The following FANCC variants were observed in gnomAD, a reference collection of about 807,000 sequenced individuals.
FANCC encodes the protein FA complementation group C.
Under a neutral mutation model 71.3 loss-of-function variants are expected in FANCC, and 55 were observed. That is an observed-to-expected ratio of 0.77 (90% CI 0.62 to 0.97). The LOEUF is 0.97. FANCC is among the 50% of genes least tolerant of loss of function. The pLI is 0.00. For missense variants in FANCC, 678 were observed against 670.9 expected, an observed-to-expected ratio of 1.01 and a Z score of -0.12; for synonymous variants, 275 against 244.9, an observed-to-expected ratio of 1.12 and a Z score of -1.15.
At chr9:95,184,118 C>G (rs546542787) in intron 4 of FANCC, among the ~76,000 whole-genome samples, 6 of 151,846 alleles carry the variant, frequency 4.0e-5, no homozygotes, top group South Asian at 2.1e-4. Context: ...GCTTCTCCCC[C>G]CCTTTTTTTA....
chr9:95,141,252 C>T (rs1242552129), intron 7 of FANCC, among the ~76,000 whole-genome samples: 1 of 122,096 alleles, frequency 8.2e-6, no homozygotes, highest in East Asian at 2.6e-4. Context: ...GTCGAGGCTA[C>T]AGTGAGACAT....
chr9:95,248,007 A>G (rs1457838380), intron 2 of FANCC, among the ~76,000 whole-genome samples: 1 of 152,206 alleles, frequency 6.6e-6, no homozygotes, highest in Non-Finnish European at 1.5e-5. Context: ...AAAGAAATAA[A>G]AGCAGCCAAA....
intron 10 of FANCC, among the ~76,000 whole-genome samples, chr9:95,122,512 C>T (rs1294833990): frequency 1.3e-5 from 2 of 152,092 alleles, no homozygotes; most frequent in Admixed American, 6.6e-5. Context: ...GAGCTGAAGG[C>T]GAGGGTGGTG....
chr9:95,101,790 T>C lies in FANCC; in HGVS notation c.1594A>G (p.Arg532Gly), dbSNP rs764649916. 6.2e-7 allele frequency: 1 copy of C among 1,614,172 alleles called. No homozygotes were observed. Among genetic ancestry groups the C allele is most frequent in the African/African-American group, 1.3e-5 (1 of 75,056 alleles). Reference protein sequence around the residue: ...IIGFLDQTLYRWNRLGIESPR... With the variant: ...IIGFLDQTLYGWNRLGIESPR... ...CTTTCAATGCCAAGACGATTCCATCTGTACAAGGTCTGGTCAAGAAAGCCA... is the reference window on the plus strand; with the variant it reads ...CTTTCAATGCCAAGACGATTCCATCCGTACAAGGTCTGGTCAAGAAAGCCA... Residue 532 changes from arginine to glycine, a missense_variant, in exon 15 of 15, where the codon AGA becomes GGA. Transcript: ENST00000289081.
chr9:95,292,624 A>G (rs1368102754), intron 1 of FANCC: 2 of 1,426,976 alleles, frequency 1.4e-6, no homozygotes, highest in Non-Finnish European at 2.0e-6. Flanking sequence ...ATCCTGCCCA[A>G]CAGCCCCGCG....
chr9:95,302,874 A>G (rs770514901), intron 1 of FANCC, among the ~76,000 whole-genome samples: 13 of 152,250 alleles, frequency 8.5e-5, no homozygotes, highest in Non-Finnish European at 1.2e-4. Context: ...AGACGCAGTT[A>G]TAGACTCAGT....
chr9:95,118,677 TTG>T (rs1241890238), intron 10 of FANCC, among the ~76,000 whole-genome samples: 1 of 152,260 alleles, frequency 6.6e-6, no homozygotes, highest in East Asian at 1.9e-4. Flanking sequence ...ATGTTTTCTT[TTG>T]TGTCTGGCTT....
intron 6 of FANCC, among the ~76,000 whole-genome samples, chr9:95,154,529 G>T (rs1564702212): frequency 6.6e-6 from 1 of 152,164 alleles, no homozygotes; most frequent in Admixed American, 6.5e-5. Flanking sequence ...TGAATAAACT[G>T]TACCTACATT....
rs141235015 is a variant in FANCC, at chr9:95,263,865, A to G, written c.-78-14496T>C. Among the ~76,000 whole-genome samples, 80 of 152,312 alleles carry G rather than the reference A, an allele frequency of 5.3e-4. 1 individual carries two copies. In the East Asian group the frequency reaches 0.015, roughly 29 times the overall value. On this transcript the variant is annotated intron_variant, in intron 1 of 14. Coordinates refer to ENST00000289081, the MANE Select transcript of FANCC (RefSeq NM_000136.3). ...TTTTGCTCGCCTATCAAACTGTAGG[A>G]ACAGGTATATTATGGAAATATAGGG...
chr9:95,109,104 A>G (rs1588038289), intron 13 of FANCC, among the ~76,000 whole-genome samples: 1 of 151,774 alleles, frequency 6.6e-6, no homozygotes, highest in Non-Finnish European at 1.5e-5. Context: ...TTGTAGAGAC[A>G]GGGGTCTATG....
intron 1 of FANCC, among the ~76,000 whole-genome samples, chr9:95,249,877 T>C (rs1041951177): frequency 2.0e-5 from 3 of 152,214 alleles, no homozygotes; most frequent in Non-Finnish European, 4.4e-5. Context: ...TTTCTCTTCA[T>C]TTCTTAGAAA....
Position 95,135,350 on chromosome 9 carries a change from G to A in FANCC, c.839C>T (p.Ser280Leu), listed in dbSNP as rs749230615. 3.2e-5 allele frequency: 52 copies of A among 1,613,614 alleles called. No individual in the cohort carries two copies. The highest frequency in any genetic ancestry group is 1.3e-4 in the East Asian group (6 of 44,882). ...TCATCAAAACCCAGTACGTACCAGC[G>A]ATGAATCTTTTATAAAGCATTCGAT... ...RRIECFIKDS[S>L]LPQAACHPAI... is the part of the protein sequence containing the mutation. The change falls in exon 8 of 15, where the codon TCG becomes TTG. Residue 280 changes from serine to leucine, a missense_variant. Ser to Leu is a moderately radical substitution (Grantham distance 145, BLOSUM62 -2). Transcript: ENST00000289081.
intron 3 of FANCC, among the ~76,000 whole-genome samples, chr9:95,242,535 T>C (rs2136060724): frequency 6.6e-6 from 1 of 151,220 alleles, no homozygotes; most frequent in Admixed American, 6.6e-5. Flanking sequence ...TTATGAAGCT[T>C]AAATCTAAAA....
chr9:95,187,183 C>T (rs540621297), intron 4 of FANCC, among the ~76,000 whole-genome samples: 2 of 152,316 alleles, frequency 1.3e-5, no homozygotes, highest in South Asian at 2.1e-4. Context: ...GGCACATGCA[C>T]GGGAAGCAGC....
At chr9:95,207,062 G>T (rs1015692881) in intron 4 of FANCC, among the ~76,000 whole-genome samples, 3 of 151,626 alleles carry the variant, frequency 2.0e-5, no homozygotes, top group Admixed American at 1.3e-4. Flanking sequence ...ATAATATCAA[G>T]TTTGTTTTTT....
At chr9:95,309,332 C>T (rs1389653414) in intron 1 of FANCC, among the ~76,000 whole-genome samples, 10 of 152,124 alleles carry the variant, frequency 6.6e-5, no homozygotes, top group Admixed American at 2.6e-4. Context: ...CAATAATAAA[C>T]GGTTACTCAC....
chr9:95,242,479 C>CAAAAAAAAAA (rs1162048314), intron 3 of FANCC, among the ~76,000 whole-genome samples: 2 of 56,238 alleles, frequency 3.6e-5, no homozygotes, highest in East Asian at 4.6e-4. Flanking sequence ...CATTCACCAC[C>CAAAAAAAAAA]AAAAAAAAAA....
chr9:95,315,593 C>T (rs1251380011), intron 1 of FANCC, among the ~76,000 whole-genome samples: 1 of 152,220 alleles, frequency 6.6e-6, no homozygotes, highest in African/African-American at 2.4e-5. Context: ...TTCCAAGGTG[C>T]TTCTCCTGTA....
chr9:95,223,687 T>C (rs1333204269), intron 4 of FANCC, among the ~76,000 whole-genome samples: 2 of 152,134 alleles, frequency 1.3e-5, no homozygotes, highest in African/African-American at 2.4e-5. Context: ...ATAGAAGTAA[T>C]TACTATTAGC....
Sources: gnomAD v4.1 joint callset for allele counts (sites outside exome capture counted in the v4.1 genomes callset) on GRCh38, gnomAD v4.1.1 for gene constraint, MANE v1.5 for transcripts, NCBI Gene and HGNC (gene_info 2026-07-23, HGNC 2026-07-21) for gene names.